The following CNTRL variants were observed in gnomAD, a reference collection of about 807,000 sequenced individuals.
CNTRL encodes centriolin.
Under a neutral mutation model 303.7 loss-of-function variants are expected in CNTRL, and 233 were observed. The ratio of observed to expected loss-of-function variants is 0.77; its 90% CI spans 0.69 to 0.86. CNTRL has a LOEUF of 0.86. Ranked by LOEUF, CNTRL falls within the 40% of genes least tolerant of loss-of-function variation. The pLI is 0.00. For synonymous variants in CNTRL, 900 were observed against 922.2 expected (o/e 0.98, Z 0.44); for missense variants, 2,524 against 2,650.6 (o/e 0.95, Z 1.05).
At chr9:121,155,878 A>G (rs893822411) in intron 27 of CNTRL, among the ~76,000 whole-genome samples, 7 of 152,188 alleles carry the variant, frequency 4.6e-5, no homozygotes, top group Non-Finnish European at 1.0e-4. Flanking sequence ...CCTTACCCAC[A>G]TGAAACACCT....
intron 13 of CNTRL, 41 bp downstream of exon 13, chr9:121,124,125 G>C: frequency 6.6e-7 from 1 of 1,525,054 alleles, no homozygotes. Context: ...CAGTGTTATT[G>C]CTGGTAAAAG....
intron 20 of CNTRL, among the ~76,000 whole-genome samples, chr9:121,144,394 G>A (rs1015743158): frequency 2.0e-5 from 3 of 152,136 alleles, no homozygotes; most frequent in African/African-American, 7.2e-5. Context: ...GGTTCCTGAA[G>A]GATTGTTATA....
intron 5 of CNTRL, among the ~76,000 whole-genome samples, chr9:121,095,440 T>C (rs930958413): frequency 2.0e-5 from 3 of 152,214 alleles, no homozygotes; most frequent in Non-Finnish European, 4.4e-5. Flanking sequence ...ACAAGAAATA[T>C]GCTCTCAATC....
chr9:121,119,423 G>C (rs2050131393), intron 12 of CNTRL, among the ~76,000 whole-genome samples: 1 of 151,658 alleles, frequency 6.6e-6, no homozygotes, highest in Non-Finnish European at 1.5e-5. Context: ...AGCCTCCCGA[G>C]TAGCTGGGAC....
chr9:121,125,245 G>A (rs2050452276), intron 13 of CNTRL, among the ~76,000 whole-genome samples: 2 of 150,600 alleles, frequency 1.3e-5, no homozygotes, highest in South Asian at 4.2e-4. Flanking sequence ...TTGGCTCACT[G>A]CAACCTCTGC....
chr9:121,136,632 A>T (rs1177622336), intron 15 of CNTRL, among the ~76,000 whole-genome samples: 1 of 152,172 alleles, frequency 6.6e-6, no homozygotes, highest in African/African-American at 2.4e-5. Flanking sequence ...TAGGTTGATG[A>T]TAAGTTGTAG....
At chr9:121,122,794 T>G (rs2050303244) in intron 12 of CNTRL, among the ~76,000 whole-genome samples, 1 of 152,184 alleles carries the variant, frequency 6.6e-6, no homozygotes, top group Non-Finnish European at 1.5e-5. Flanking sequence ...TTCTTTTCAG[T>G]TAACAGTAGT....
At chr9:121,145,112 T>A in intron 21 of CNTRL, 132 bp from the exon 22 acceptor site, 1 of 1,206,316 alleles carries the variant, frequency 8.3e-7, no homozygotes, top group Non-Finnish European at 1.2e-6. Context: ...CTTGGTGCAG[T>A]TTCCAAGTAA....
At chr9:121,089,184 G>A (rs2048462804) in intron 3 of CNTRL, among the ~76,000 whole-genome samples, 2 of 152,112 alleles carry the variant, frequency 1.3e-5, no homozygotes, top group African/African-American at 4.8e-5. Flanking sequence ...CTATATCTTT[G>A]CTGCAAGTTG....
In CNTRL at chr9:121,168,308, A is replaced by G; in HGVS notation, c.6057A>G (p.Thr2019=). The G allele has an allele frequency of 6.2e-7, 1 of 1,613,500 alleles. No homozygotes were observed. The highest frequency in any genetic ancestry group is 2.2e-5 in the East Asian group (1 of 44,854). ...GGTGGTGTGAGAGCCTGGAGAAGAC[A>G]CTCTCCCAAACTAGTATGTATTCTG... ...EERWCESLEK[T]LSQTKRQLSE... The change falls in exon 38 of 44, where the codon ACA becomes ACG. Residue 2019 remains threonine, a synonymous_variant. Coordinates refer to ENST00000373855, the MANE Select transcript of CNTRL (RefSeq NM_007018.6).
At chr9:121,091,529 G>A (rs1303767422) in intron 4 of CNTRL, among the ~76,000 whole-genome samples, 1 of 152,106 alleles carries the variant, frequency 6.6e-6, no homozygotes, top group Non-Finnish European at 1.5e-5. Flanking sequence ...TTTAATGAAA[G>A]ATGTATTTTA....
chr9:121,100,425 G>A lies in CNTRL; in HGVS notation c.808+1853G>A, dbSNP rs764350859. ...TGAAGGAAGCACTAAACATGGAAAGGAACAACTGGTACCAGCCACTGCAAA... is the reference window on the plus strand; with the variant it reads ...TGAAGGAAGCACTAAACATGGAAAGAAACAACTGGTACCAGCCACTGCAAA... On this transcript the variant is annotated intron_variant, in intron 7 of 43. Transcript: ENST00000373855. 3.4e-3 allele frequency among the ~76,000 whole-genome samples: 525 copies of A among 152,264 alleles called. 2 individuals are homozygous for A. Among genetic ancestry groups the A allele is most frequent in the Non-Finnish European group, 6.3e-3 (431 of 68,024 alleles).
chr9:121,135,927 A>T lies in CNTRL; in HGVS notation c.2147A>T (p.Asp716Val), dbSNP rs1295257128. 1 of 1,613,678 alleles carries T rather than the reference A, an allele frequency of 6.2e-7. No homozygotes were observed. The highest frequency in any genetic ancestry group is 1.1e-5 in the South Asian group (1 of 91,068). ...CTAGAGGCTCGGCTAAACCTAAGGG[A>T]TGCTGAAGCCAACCAGCTCAAGGAA... ...AELEARLNLR[D>V]AEANQLKEEL... The change falls in exon 15 of 44, where the codon GAT becomes GTT. Residue 716 changes from aspartate to valine, a missense_variant. Transcript: ENST00000373855.
Position 121,088,342 on chromosome 9 carries a change from CA to C in CNTRL, c.18del (p.Gln6HisfsTer25), listed in dbSNP as rs1177529702. 6.2e-7 allele frequency: 1 copy of C among 1,611,896 alleles called. No homozygotes were observed. Among genetic ancestry groups the C allele is most frequent in the Non-Finnish European group, 8.5e-7 (1 of 1,178,244 alleles). On this transcript the variant is annotated frameshift_variant, in exon 3 of 44. Transcript: ENST00000373855. LOFTEE classifies it high-confidence loss of function. Reference protein sequence around the residue: MKKGSQQKIFSKAKIP... With the variant: MKKGSXQKIFSKAKIP... ...TATTCTTGCAATGAAGAAAGGTTCT[CA>C]ACAAAAAATATTCTCCAAAGCAAAG... is the stretch of plus-strand genomic sequence containing the variant.
intron 1 of CNTRL, among the ~76,000 whole-genome samples, chr9:121,077,142 C>G (rs1010266665): frequency 6.6e-6 from 1 of 152,030 alleles, no homozygotes; most frequent in African/African-American, 2.4e-5. Context: ...GTTGCCTGGA[C>G]GTAGGATTCT....
intron 14 of CNTRL, among the ~76,000 whole-genome samples, chr9:121,132,337 C>G (rs142235715): frequency 1.7e-3 from 263 of 152,208 alleles, no homozygotes; most frequent in African/African-American, 5.9e-3. Context: ...TTTCTTTTTA[C>G]TCTTTTTTCT....
At chr9:121,136,571 A>G (rs528592743) in intron 15 of CNTRL, among the ~76,000 whole-genome samples, 2 of 152,234 alleles carry the variant, frequency 1.3e-5, no homozygotes, top group African/African-American at 4.8e-5. Context: ...TCAGCCTCCC[A>G]AAGTGCTGGG....
chr9:121,132,888 A>C (rs564776772), intron 14 of CNTRL, among the ~76,000 whole-genome samples: 1 of 152,360 alleles, frequency 6.6e-6, no homozygotes, highest in Non-Finnish European at 1.5e-5. Context: ...TCTAACAGTC[A>C]GGTCCCTCAG....
At chr9:121,172,880 G>A (rs1431400657) in intron 40 of CNTRL, among the ~76,000 whole-genome samples, 1 of 152,162 alleles carries the variant, frequency 6.6e-6, no homozygotes, top group African/African-American at 2.4e-5. Flanking sequence ...ATGTATAAAT[G>A]AGGTAATGGA....
Sources: gnomAD v4.1 joint callset for allele counts (sites outside exome capture counted in the v4.1 genomes callset) on GRCh38, gnomAD v4.1.1 for gene constraint, MANE v1.5 for transcripts, NCBI Gene and HGNC (gene_info 2026-07-23, HGNC 2026-07-21) for gene names.